Variants in ZNF280D observed in about 807,000 individuals in gnomAD.
ZNF280D encodes the protein suppressor of hairy wing homolog 4.
In ZNF280D, 39 loss-of-function variants were observed where a neutral mutation model predicts 94.7. That is an observed-to-expected ratio of 0.41 (90% CI 0.32 to 0.54). The LOEUF is 0.54. Ranked by LOEUF, ZNF280D falls within the 20% of genes least tolerant of loss-of-function variation. The pLI is 0.22. For synonymous variants in ZNF280D, 398 were observed against 377.6 expected (o/e 1.05, Z -0.63); for missense variants, 1,090 against 1,149.3 (o/e 0.95, Z 0.75).
At chr15:56,654,080 A>G (rs1200501261) in intron 19 of ZNF280D, 118 bp downstream of exon 19, 1 of 1,509,286 alleles carries the variant, frequency 6.6e-7, no homozygotes, top group African/African-American at 1.4e-5. Context: ...CTTTAAAAAA[A>G]AAACAAAAAA....
intron 1 of ZNF280D, among the ~76,000 whole-genome samples, chr15:56,717,437 G>T (rs1596651179): frequency 6.6e-6 from 1 of 152,044 alleles, no homozygotes; most frequent in African/African-American, 2.4e-5. Context: ...CTTGAACTTT[G>T]TGTGGCTCAA....
intron 19 of ZNF280D, among the ~76,000 whole-genome samples, chr15:56,648,449 T>C (rs1185319591): frequency 6.6e-6 from 1 of 151,856 alleles, no homozygotes; most frequent in Non-Finnish European, 1.5e-5. Context: ...CTTAGTCCTA[T>C]CCAGTTTCTT....
chr15:56,724,507 T>G (rs1721454580), intron 1 of ZNF280D, among the ~76,000 whole-genome samples: 1 of 152,166 alleles, frequency 6.6e-6, no homozygotes, highest in Non-Finnish European at 1.5e-5. Flanking sequence ...GAACATGTAA[T>G]TCTGAGATAA....
At chr15:56,635,533 C>G (rs1323543564) in intron 20 of ZNF280D, 1 of 154,932 alleles carries the variant, frequency 6.5e-6, no homozygotes, top group African/African-American at 2.4e-5. Context: ...TTCGTAACCT[C>G]TATTTCAAAT....
chr15:56,682,327 C>T lies in ZNF280D; in HGVS notation c.931G>A (p.Val311Ile), dbSNP rs758700382. The T allele has an allele frequency of 1.9e-6, 3 of 1,598,530 alleles. No homozygotes were observed. Among genetic ancestry groups the T allele is most frequent in the Non-Finnish European group, 2.6e-6 (3 of 1,176,114 alleles). Residue 311 changes from valine to isoleucine, a missense_variant, in exon 10 of 22, where the codon GTC becomes ATC. Coordinates refer to ENST00000267807, the MANE Select transcript of ZNF280D (RefSeq NM_017661.4). ...GTGTGAGTCTTCTGTTCCTCCTGGA[C>T]ATCTCCTTCATGTTTTCCATAATAA... ...DFYYGKHEGD[V>I]QEEQKTHTTF...
intron 8 of ZNF280D, 74 bp from the exon 9 acceptor site, chr15:56,689,224 T>C (rs1262524416): frequency 3.9e-6 from 6 of 1,550,230 alleles, no homozygotes; most frequent in South Asian, 2.4e-5. Context: ...AATAATACTT[T>C]TAAAATTTAT....
intron 19 of ZNF280D, among the ~76,000 whole-genome samples, chr15:56,649,082 A>T (rs2053062657): frequency 6.6e-6 from 1 of 152,160 alleles, no homozygotes; most frequent in African/African-American, 2.4e-5. Context: ...AAAGACCAAA[A>T]TATTCATGTG....
chr15:56,681,900 T>C (rs1349274192), intron 10 of ZNF280D, among the ~76,000 whole-genome samples: 2 of 152,100 alleles, frequency 1.3e-5, no homozygotes, highest in Non-Finnish European at 1.5e-5. Flanking sequence ...AGAGTGGTTC[T>C]TCTTGTAATG....
intron 1 of ZNF280D, among the ~76,000 whole-genome samples, chr15:56,724,555 G>T (rs533286772): frequency 6.6e-6 from 1 of 152,162 alleles, no homozygotes; most frequent in African/African-American, 2.4e-5. Context: ...CCAAGGCATC[G>T]TATCTTATAA....
chr15:56,648,861 C>T (rs1275679975), intron 19 of ZNF280D, among the ~76,000 whole-genome samples: 2 of 152,046 alleles, frequency 1.3e-5, no homozygotes, highest in Non-Finnish European at 2.9e-5. Context: ...ACCATGTTTC[C>T]ACCTCACCCT....
chr15:56,694,330 C>A (rs2141118559), intron 6 of ZNF280D, among the ~76,000 whole-genome samples: 1 of 137,982 alleles, frequency 7.2e-6, no homozygotes, highest in South Asian at 2.4e-4. Context: ...CACACACACA[C>A]ACACACACAA....
At chr15:56,646,180 T>C (rs1191026435) in intron 19 of ZNF280D, among the ~76,000 whole-genome samples, 1 of 152,140 alleles carries the variant, frequency 6.6e-6, no homozygotes, top group Non-Finnish European at 1.5e-5. Context: ...TCCCAATGCT[T>C]TGGGAGGCCA....
At chr15:56,701,381 T>C in intron 4 of ZNF280D, 143 bp from the exon 5 acceptor site, 1 of 571,426 alleles carries the variant, frequency 1.8e-6, no homozygotes, top group Non-Finnish European at 3.0e-6. Context: ...ATAGTTCATT[T>C]TAAACACATA....
chr15:56,663,505 G>C (rs1264236154), intron 16 of ZNF280D, among the ~76,000 whole-genome samples: 1 of 151,894 alleles, frequency 6.6e-6, no homozygotes, highest in African/African-American at 2.4e-5. Flanking sequence ...CTTCTAACAA[G>C]AATCAACACT....
chr15:56,713,545 A>G (rs1755020133), intron 1 of ZNF280D, among the ~76,000 whole-genome samples: 2 of 152,130 alleles, frequency 1.3e-5, no homozygotes, highest in Non-Finnish European at 2.9e-5. Flanking sequence ...TTTAGTCTTT[A>G]TGTCACTAAT....
intron 6 of ZNF280D, among the ~76,000 whole-genome samples, chr15:56,695,030 C>G (rs1369259513): frequency 1.3e-5 from 2 of 151,626 alleles, no homozygotes; most frequent in African/African-American, 4.8e-5. Context: ...AAAGCTTTGG[C>G]AGTAGCTACT....
intron 6 of ZNF280D, among the ~76,000 whole-genome samples, chr15:56,694,311 A>G: frequency 6.6e-6 from 1 of 151,080 alleles, no homozygotes; most frequent in South Asian, 2.1e-4. Context: ...ACACACACAC[A>G]CACACACACA....
chr15:56,643,882 T>C (rs1433147395), intron 19 of ZNF280D, among the ~76,000 whole-genome samples: 1 of 151,808 alleles, frequency 6.6e-6, no homozygotes, highest in African/African-American at 2.4e-5. Flanking sequence ...TATATTATCT[T>C]AAATTTCATT....
At chr15:56,660,585 T>C (rs1429612551) in intron 16 of ZNF280D, among the ~76,000 whole-genome samples, 1 of 152,094 alleles carries the variant, frequency 6.6e-6, no homozygotes, top group Non-Finnish European at 1.5e-5. Context: ...CTTCTTCCTA[T>C]TAGCTCTCCA....
Sources: allele counts gnomAD v4.1 joint callset (sites outside exome capture counted in the v4.1 genomes callset), GRCh38; gene constraint gnomAD v4.1.1; transcripts MANE v1.5; gene names NCBI Gene and HGNC (gene_info 2026-07-23, HGNC 2026-07-21).